The following LAMA2 variants were observed in gnomAD, a reference collection of about 807,000 sequenced individuals.
LAMA2 encodes the protein laminin subunit alpha-2.
Under a neutral mutation model 364.8 loss-of-function variants are expected in LAMA2, and 269 were observed. That is an observed-to-expected ratio of 0.74 (90% CI 0.67 to 0.82). The LOEUF (loss-of-function observed/expected upper bound fraction) is 0.82, where lower values mean the gene tolerates loss of function less well. Ranked by LOEUF, LAMA2 falls within the 40% of genes least tolerant of loss-of-function variation. The pLI is 0.00. For synonymous variants in LAMA2, 1,379 were observed against 1,370.6 expected, an observed-to-expected ratio of 1.01 and a Z score of -0.14; for missense variants, 3,807 against 3,873.2, an observed-to-expected ratio of 0.98 and a Z score of 0.45.
chr6:129,277,239 T>A (rs1057041789), intron 17 of LAMA2, among the ~76,000 whole-genome samples: 2 of 152,234 alleles, frequency 1.3e-5, no homozygotes, highest in Admixed American at 1.3e-4. Context: ...TCAATGATGA[T>A]CTCACAATTT....
intron 1 of LAMA2, among the ~76,000 whole-genome samples, chr6:128,949,963 A>G (rs773978892): frequency 7.9e-5 from 12 of 152,226 alleles, no homozygotes; most frequent in Non-Finnish European, 1.8e-4. Context: ...ACCCCTAAAT[A>G]TGATCCTTTA....
intron 56 of LAMA2, among the ~76,000 whole-genome samples, chr6:129,488,039 G>T (rs1427830691): frequency 1.3e-5 from 2 of 152,178 alleles, no homozygotes; most frequent in Non-Finnish European, 2.9e-5. Context: ...GCCGGGCGTG[G>T]TGGCTCACAC....
chr6:128,970,519 T>C (rs770573635), intron 1 of LAMA2, among the ~76,000 whole-genome samples: 7 of 152,206 alleles, frequency 4.6e-5, no homozygotes, highest in Non-Finnish European at 8.8e-5. Flanking sequence ...AAATTGGATA[T>C]GGTTCAAACG....
At chr6:129,501,380 C>T (rs1382787685) in intron 58 of LAMA2, among the ~76,000 whole-genome samples, 3 of 152,172 alleles carry the variant, frequency 2.0e-5, no homozygotes, top group Non-Finnish European at 4.4e-5. Context: ...TATAACTGAC[C>T]ATCTCCTGGG....
chr6:129,012,266 T>C (rs988994412), intron 1 of LAMA2, among the ~76,000 whole-genome samples: 2 of 152,166 alleles, frequency 1.3e-5, no homozygotes, highest in Non-Finnish European at 2.9e-5. Context: ...ATAATACATT[T>C]CCCTATTTTT....
At chr6:129,485,546 G>A (rs970682909) in intron 55 of LAMA2, among the ~76,000 whole-genome samples, 4 of 152,104 alleles carry the variant, frequency 2.6e-5, no homozygotes, top group Admixed American at 2.0e-4. Context: ...CAAAGCTAAC[G>A]GTTTTGATAC....
intron 2 of LAMA2, among the ~76,000 whole-genome samples, chr6:129,051,522 G>A (rs895152683): frequency 1.6e-4 from 22 of 133,928 alleles, no homozygotes; most frequent in Non-Finnish European, 2.0e-4. Flanking sequence ...ATGTTGGCCA[G>A]GCTGGTCTCA....
chr6:128,905,280 T>A (rs889345645), intron 1 of LAMA2: 2 of 152,164 alleles, frequency 1.3e-5, no homozygotes, highest in South Asian at 4.1e-4. Context: ...TTTAGATTAG[T>A]CTTATTTATG....
At chr6:129,032,508 G>A (rs565768535) in intron 1 of LAMA2, among the ~76,000 whole-genome samples, 2 of 152,088 alleles carry the variant, frequency 1.3e-5, no homozygotes, top group Non-Finnish European at 2.9e-5. Context: ...TTCTAGAATC[G>A]GACTAAAGGC....
chr6:129,150,619 C>T (rs1303999293), intron 7 of LAMA2, among the ~76,000 whole-genome samples: 1 of 152,208 alleles, frequency 6.6e-6, no homozygotes, highest in Non-Finnish European at 1.5e-5. Context: ...CAAACTGCTA[C>T]TGTACACATT....
At position 129,252,223 on chromosome 6, in the gene LAMA2, T is replaced by C; in HGVS notation, c.2024T>C (p.Met675Thr). The change falls in exon 14 of 65, where the codon ATG (methionine) becomes ACG (threonine). Residue 675 changes from methionine to threonine, a missense_variant. Physicochemically the swap from Met to Thr is moderately conservative, Grantham distance 81 (BLOSUM62 -1). This residue lies in a region of LAMA2 where 3,333 missense variants were observed against 3,345.7 expected (regional missense o/e 1.00). Coordinates refer to ENST00000421865, the MANE Select transcript of LAMA2 (RefSeq NM_000426.4). ...THFPVRRKEFMTVLANLKRVL... is the reference protein window; with the variant it reads ...THFPVRRKEFTTVLANLKRVL... ...TTTCCAGTCCGTAGAAAGGAATTTA[T>C]GACAGTGCTTGCGAATTTGAAGAGA... 2 of 1,614,162 alleles carry C rather than the reference T, an allele frequency of 1.2e-6. No individual in the cohort carries two copies. Among genetic ancestry groups the C allele is most frequent in the Non-Finnish European group, 1.7e-6 (2 of 1,179,984 alleles).
intron 9 of LAMA2, among the ~76,000 whole-genome samples, chr6:129,173,749 G>A (rs936670066): frequency 1.3e-4 from 20 of 152,130 alleles, no homozygotes; most frequent in African/African-American, 4.8e-4. Flanking sequence ...GTAAGATGTG[G>A]TCTCATGGTT....
At chr6:128,981,166 G>C (rs78678169) in intron 1 of LAMA2, among the ~76,000 whole-genome samples, 3,637 of 152,118 alleles carry the variant, frequency 0.024, 59 homozygotes, top group Middle Eastern at 0.071. Context: ...CATACTTCCT[G>C]ATTTCCTCCC....
chr6:129,054,961 C>G (rs1232177411), intron 2 of LAMA2, among the ~76,000 whole-genome samples: 1 of 150,170 alleles, frequency 6.7e-6, no homozygotes, highest in African/African-American at 2.4e-5. Context: ...GTCTTTCACC[C>G]TCTTGAAAGT....
intron 4 of LAMA2, among the ~76,000 whole-genome samples, chr6:129,108,079 GGT>G (rs1007254061): frequency 2.6e-4 from 22 of 83,716 alleles, no homozygotes; most frequent in African/African-American, 1.4e-3. Flanking sequence ...ATATCTAATA[GGT>G]TTTTTTAACC....
chr6:129,254,769 G>A (rs767042492), intron 14 of LAMA2, among the ~76,000 whole-genome samples: 3 of 152,152 alleles, frequency 2.0e-5, no homozygotes, highest in Non-Finnish European at 4.4e-5. Flanking sequence ...CAACCTAACT[G>A]AACTGTGCAT....
intron 10 of LAMA2, among the ~76,000 whole-genome samples, chr6:129,180,842 G>A (rs1434808691): frequency 6.6e-6 from 1 of 152,122 alleles, no homozygotes; most frequent in Non-Finnish European, 1.5e-5. Flanking sequence ...TCATGGGGTG[G>A]AGGGTGGGAG....
At chr6:129,365,617 C>T (rs969567515) in intron 32 of LAMA2, among the ~76,000 whole-genome samples, 1 of 152,016 alleles carries the variant, frequency 6.6e-6, no homozygotes, top group Non-Finnish European at 1.5e-5. Flanking sequence ...CCCACCTCGG[C>T]CTCTCAAAGT....
At chr6:129,387,049 T>C (rs1398397582) in intron 35 of LAMA2, among the ~76,000 whole-genome samples, 1 of 151,088 alleles carries the variant, frequency 6.6e-6, no homozygotes, top group South Asian at 2.1e-4. Context: ...AATATCCAAC[T>C]GGAAAAAAAA....
Sources: allele counts gnomAD v4.1 joint callset (sites outside exome capture counted in the v4.1 genomes callset), GRCh38; gene constraint gnomAD v4.1.1; regional missense constraint gnomAD v4.1.1; transcripts MANE v1.5; gene names NCBI Gene and HGNC (gene_info 2026-07-23, HGNC 2026-07-21).